The following RPSA variants were observed in gnomAD, a reference collection of about 807,000 sequenced individuals.
The protein encoded by RPSA is ribosomal protein SA.
For synonymous variants in RPSA, 103 were observed against 126.7 expected, an observed-to-expected ratio of 0.81 and a Z score of 1.25; for missense variants, 140 against 372.8, an observed-to-expected ratio of 0.38 and a Z score of 5.14.
chr3:39,411,527 A>G (rs2042005139), intron 4 of RPSA, 122 bp from the exon 5 acceptor site: 2 of 1,006,604 alleles, frequency 2.0e-6, no homozygotes, highest in Non-Finnish European at 3.0e-6. Context: ...TCCCTGTTAC[A>G]ATTGCTTTTC....
At chr3:39,411,855 C>T in intron 5 of RPSA, 41 bp from the exon 6 acceptor site, 2 of 1,599,394 alleles carry the variant, frequency 1.3e-6, no homozygotes, top group Non-Finnish European at 1.7e-6. Context: ...CAAAACTTGT[C>T]AGTCCCTGTA....
At chr3:39,408,261 T>C in intron 2 of RPSA, 1 of 456,674 alleles carries the variant, frequency 2.2e-6, no homozygotes. Flanking sequence ...TTAGGATGAA[T>C]CTTGCATCAG....
chr3:39,408,252 T>C (rs750282104), intron 2 of RPSA: 4 of 442,148 alleles, frequency 9.0e-6, no homozygotes, highest in Non-Finnish European at 1.7e-5. Context: ...AAAGGAGTTT[T>C]AGGATGAATC....
intron 3 of RPSA, chr3:39,408,930 C>A (rs548656342): frequency 2.0e-6 from 1 of 510,132 alleles, no homozygotes; most frequent in Non-Finnish European, 3.6e-6. Flanking sequence ...ACTAAAAATA[C>A]AAAAAATTAG....
intron 3 of RPSA, chr3:39,409,127 T>TAG (rs2041965853): frequency 7.1e-6 from 1 of 140,498 alleles, no homozygotes; most frequent in Admixed American, 7.6e-5. Flanking sequence ...ACTCCACTGT[T>TAG]AAGAGATCTT....
intron 1 of RPSA, chr3:39,407,022 C>T (rs1266387048): frequency 4.4e-6 from 2 of 454,320 alleles, no homozygotes; most frequent in Middle Eastern, 3.3e-4. Flanking sequence ...CGCGGGTGGG[C>T]GGGAGTGCAG....
chr3:39,411,351 T>C (rs2125595648), intron 4 of RPSA: 1 of 571,458 alleles, frequency 1.7e-6, no homozygotes, highest in East Asian at 3.4e-5. Flanking sequence ...TACTATAAGA[T>C]GCTAAAAAGG....
chr3:39,410,589 G>A, intron 3 of RPSA, 165 bp from the exon 4 acceptor site: 1 of 754,362 alleles, frequency 1.3e-6, no homozygotes, highest in Non-Finnish European at 2.3e-6. Flanking sequence ...TTTAATGTAT[G>A]CAGGAAATCT....
intron 1 of RPSA, 65 bp from the exon 2 acceptor site, chr3:39,407,556 C>T: frequency 1.6e-6 from 2 of 1,247,804 alleles, no homozygotes; most frequent in Middle Eastern, 5.3e-4. Context: ...TTTTTGGTTG[C>T]TTTTAAGGGT....
At chr3:39,407,471 G>A in intron 1 of RPSA, 150 bp from the exon 2 acceptor site, 2 of 698,924 alleles carry the variant, frequency 2.9e-6, no homozygotes, top group Non-Finnish European at 5.2e-6. Context: ...CGTAATACAC[G>A]ACATGTATGG....
At chr3:39,408,441 T>C (rs1472982030) in intron 2 of RPSA, 165 bp from the exon 3 acceptor site, 4 of 771,926 alleles carry the variant, frequency 5.2e-6, no homozygotes, top group Non-Finnish European at 7.2e-6. Flanking sequence ...CATGAACTTC[T>C]GAGTGTCGGA....
intron 2 of RPSA, chr3:39,408,397 C>G (rs1553613119): frequency 1.3e-6 from 1 of 751,400 alleles, no homozygotes; most frequent in Non-Finnish European, 2.5e-6. Context: ...AGGCTGCACA[C>G]TATTAAAGCT....
intron 4 of RPSA, chr3:39,411,353 C>T: frequency 1.8e-6 from 1 of 570,176 alleles, no homozygotes; most frequent in Non-Finnish European, 3.2e-6. Context: ...CTATAAGATG[C>T]TAAAAAGGTG....
Position 39,412,406 on chromosome 3 carries a change from T to C in RPSA, c.*38T>C. On this transcript the variant is annotated 3_prime_UTR_variant, in exon 7 of 7. Transcript: ENST00000301821. Reference sequence around the variant, plus strand: ...TAGGCTCTTAAGCAGCATGGAAAAATGGTTGATGGAAAATAAACATCAGTT... The same window carrying C: ...TAGGCTCTTAAGCAGCATGGAAAAACGGTTGATGGAAAATAAACATCAGTT... The C allele has an allele frequency of 9.7e-7, 1 of 1,030,076 alleles. No individual in the cohort carries two copies. 63.8% of individuals were successfully genotyped at this position (1,030,076 alleles called of 1,614,324 possible).
rs1311774996 is a variant in RPSA at position 39,411,942 on chromosome 3, A to G, written c.674A>G (p.Glu225Gly). The G allele has an allele frequency of 6.3e-7, 1 of 1,599,816 alleles. No homozygotes were observed. Among genetic ancestry groups the G allele is most frequent in the Admixed American group, 1.7e-5 (1 of 59,990 alleles). ...GCTGCTGAGAAGGCAGTGACCAAGG[A>G]GGAATTTCAGGGTGAATGGACTGCT... ...QAAAEKAVTK[E>G]EFQGEWTAPA... The change falls in exon 6 of 7, where the codon GAG (glutamate) becomes GGG (glycine). Residue 225 changes from glutamate to glycine, a missense_variant. Physicochemically the swap from Glu to Gly is moderately conservative, Grantham distance 98. Coordinates refer to ENST00000301821, the MANE Select transcript of RPSA (RefSeq NM_002295.6).
At chr3:39,408,897 C>A in intron 3 of RPSA, 173 bp downstream of exon 3, 1 of 583,640 alleles carries the variant, frequency 1.7e-6, no homozygotes, top group Non-Finnish European at 3.1e-6. Context: ...AGGAGATCCA[C>A]ACCACGGTGA....
intron 2 of RPSA, 170 bp downstream of exon 2, chr3:39,407,956 T>A: frequency 1.7e-6 from 1 of 592,056 alleles, no homozygotes; most frequent in Non-Finnish European, 2.9e-6. Context: ...GAGAAAAGAT[T>A]TCTGCTCCAG....
intron 4 of RPSA, 27 bp from the exon 5 acceptor site, chr3:39,411,622 T>A: frequency 6.2e-7 from 1 of 1,609,498 alleles, no homozygotes; most frequent in South Asian, 1.1e-5. Context: ...CAAGTGTCAC[T>A]TTTTAATAAT....
intron 3 of RPSA, chr3:39,409,016 C>T (rs916441429): frequency 2.2e-5 from 7 of 316,596 alleles, no homozygotes; most frequent in African/African-American, 1.3e-4. Flanking sequence ...ACCCGGTGGG[C>T]GGAGCTTGCA....
Sources: allele counts gnomAD v4.1 joint callset, GRCh38; gene constraint gnomAD v4.1.1; transcripts MANE v1.5; gene names NCBI Gene and HGNC (gene_info 2026-07-23, HGNC 2026-07-21).